Variants in CFHR5 observed in about 807,000 individuals in gnomAD.
The protein encoded by CFHR5 is complement factor H related 5.
CFHR5 carries 73 observed loss-of-function variants against 62.9 expected under a neutral mutation model. The ratio of observed to expected loss-of-function variants is 1.16; its 90% confidence interval spans 0.96 to 1.41. The LOEUF is 1.41. CFHR5 is among the 40% of genes most tolerant of loss of function. The pLI, the probability that CFHR5 is intolerant of heterozygous loss-of-function variation, is 0.00. For synonymous variants in CFHR5, 249 were observed against 227.2 expected (o/e 1.10, Z -0.86); for missense variants, 779 against 679.9 (o/e 1.15, Z -1.62).
chr1:196,984,145 A>G lies in CFHR5; in HGVS notation c.430+8A>G, dbSNP rs1293885889. The G allele has an allele frequency of 1.9e-6, 3 of 1,609,226 alleles. No individual in the cohort carries two copies. The highest frequency in any genetic ancestry group is 2.6e-6 in the Non-Finnish European group (3 of 1,175,900). ...CCATATGCAGCTTCACTAGTAAGCAAAATACCACTCTCTCAGTTTTGCTAA... is the reference window on the plus strand; with the variant it reads ...CCATATGCAGCTTCACTAGTAAGCAGAATACCACTCTCTCAGTTTTGCTAA... On this transcript the variant is annotated splice_region_variant and intron_variant, in intron 3 of 9. Coordinates refer to ENST00000256785, the MANE Select transcript of CFHR5 (RefSeq NM_030787.4).
At chr1:196,980,628 G>GTC (rs1491195134) in intron 1 of CFHR5, among the ~76,000 whole-genome samples, 18 of 142,570 alleles carry the variant, frequency 1.3e-4, no homozygotes, top group African/African-American at 2.9e-4. Flanking sequence ...GTGTGTGTGT[G>GTC]TATCCCAGAA....
In CFHR5 at chr1:197,004,689, A is replaced by G. The variant is rs748535741; in HGVS notation, c.1359A>G (p.Pro453=). The change falls in exon 9 of 10, where the codon CCA becomes CCG. Residue 453 remains proline, a synonymous_variant. Transcript: ENST00000256785. ...CTACTGCATATTGTGGGCCCCCTCC[A>G]TCTATTAACAATGGAGATACCACCT... The part of the protein sequence containing the change: ...VESTAYCGPP[P]SINNGDTTSF... 30 of 1,613,614 alleles carry G rather than the reference A, an allele frequency of 1.9e-5. No individual in the cohort carries two copies. The highest frequency in any genetic ancestry group is 1.7e-5 in the Non-Finnish European group (20 of 1,179,674).
chr1:196,982,501 G>GTC (rs1193009016), intron 1 of CFHR5, among the ~76,000 whole-genome samples: 51 of 152,208 alleles, frequency 3.4e-4, no homozygotes, highest in East Asian at 9.7e-4. Context: ...GTGAAACCTT[G>GTC]TCTCTACCAA....
At chr1:196,984,213 G>A (rs1249687065) in intron 3 of CFHR5, 76 bp downstream of exon 3, 2 of 1,243,820 alleles carry the variant, frequency 1.6e-6, no homozygotes, top group Non-Finnish European at 2.3e-6. Context: ...TTAAATATAG[G>A]TTAAATATAG....
chr1:197,004,922 C>A, intron 9 of CFHR5, 79 bp downstream of exon 9: 1 of 1,080,942 alleles, frequency 9.3e-7, no homozygotes, highest in African/African-American at 1.6e-5. Context: ...CATAGAATAA[C>A]CCTTACTTAA....
intron 9 of CFHR5, 119 bp from the exon 10 acceptor site, chr1:197,008,368 A>C (rs776229127): frequency 2.2e-6 from 1 of 460,652 alleles, no homozygotes; most frequent in Non-Finnish European, 3.4e-6. Context: ...TTTTTAAATA[A>C]ATATTAATAT....
At chr1:197,003,856 A>G (rs1007268408) in intron 8 of CFHR5, among the ~76,000 whole-genome samples, 1 of 152,162 alleles carries the variant, frequency 6.6e-6, no homozygotes, top group Non-Finnish European at 1.5e-5. Context: ...TTGGTGAATG[A>G]TTAAGTGGAA....
chr1:196,995,023 AC>A (rs1653952381), intron 4 of CFHR5, among the ~76,000 whole-genome samples: 1 of 152,200 alleles, frequency 6.6e-6, no homozygotes, highest in Non-Finnish European at 1.5e-5. Context: ...TGTGGGAGCT[AC>A]AATTCAAGAT....
chr1:196,976,903 T>C (rs1318798422), upstream of CFHR5, among the ~76,000 whole-genome samples: 8 of 150,786 alleles, frequency 5.3e-5, no homozygotes, highest in East Asian at 1.6e-3. Flanking sequence ...CTCCCGGTTT[T>C]ACGCCATTCT....
chr1:196,994,256 G>T lies in CFHR5; in HGVS notation c.607G>T (p.Gly203Ter), dbSNP rs781352172. 1.2e-6 allele frequency: 2 copies of T among 1,609,116 alleles called. No individual in the cohort carries two copies. The highest frequency in any genetic ancestry group is 3.3e-5 in the Admixed American group (2 of 59,986). Residue 203 changes from glycine (G) to a stop codon, truncating the protein, a stop_gained and splice_region_variant, in exon 4 of 10, where the codon GGA becomes TGA. Coordinates refer to ENST00000256785, the MANE Select transcript of CFHR5 (RefSeq NM_030787.4). LOFTEE classifies it high-confidence loss of function. Reference sequence around the variant, plus strand: ...GTCACCTAACTTTCCAACATGCAAAGGTCAGTATTTATTTTAGAAGTGATG... The same window carrying T: ...GTCACCTAACTTTCCAACATGCAAATGTCAGTATTTATTTTAGAAGTGATG... ...GWSPNFPTCK[G>*]QVRSCGPPPQ...
At position 196,991,047 on chromosome 1, in the gene CFHR5, G is replaced by A. The variant is rs564391845; in HGVS notation, c.431-3033G>A. Among the ~76,000 whole-genome samples, 3 of 151,960 alleles carry A rather than the reference G, an allele frequency of 2.0e-5. No homozygotes were observed. In the East Asian group the frequency reaches 5.8e-4, roughly 29 times the overall value. On this transcript the variant is annotated intron_variant, in intron 3 of 9. Coordinates refer to ENST00000256785, the MANE Select transcript of CFHR5 (RefSeq NM_030787.4). ...TTTTCACATAGTCCCATATTTCTCG[G>A]AGGCTTTGTTCATTTCTTTTTACTC...
intron 6 of CFHR5, among the ~76,000 whole-genome samples, chr1:196,997,243 A>T (rs1654016335): frequency 6.6e-6 from 1 of 152,056 alleles, no homozygotes; most frequent in South Asian, 2.1e-4. Context: ...ATCCGTGATG[A>T]CCTATTGTGA....
chr1:196,983,209 TC>T, intron 2 of CFHR5, 130 bp downstream of exon 2: 1 of 1,199,868 alleles, frequency 8.3e-7, no homozygotes, highest in Non-Finnish European at 1.2e-6. Context: ...GGAGATGTAG[TC>T]CTCCTATTTT....
chr1:197,008,456 ATTTAT>A, intron 9 of CFHR5, 26 bp from the exon 10 acceptor site: 1 of 1,316,768 alleles, frequency 7.6e-7, no homozygotes, highest in Non-Finnish European at 1.0e-6. Flanking sequence ...ATTATTATTT[ATTTAT>A]TTTATTTTAC....
intron 3 of CFHR5, 136 bp downstream of exon 3, chr1:196,984,273 T>C (rs1571513343): frequency 1.3e-6 from 1 of 770,154 alleles, no homozygotes; most frequent in East Asian, 2.7e-5. Context: ...GTTCCAATTG[T>C]GTCTAAGTAG....
intron 1 of CFHR5, among the ~76,000 whole-genome samples, chr1:196,979,807 T>A (rs1004665520): frequency 6.6e-6 from 1 of 152,104 alleles, no homozygotes; most frequent in Non-Finnish European, 1.5e-5. Flanking sequence ...TGCTAATTAC[T>A]GAGCTTCTGG....
chr1:196,998,067 A>G lies in CFHR5; in HGVS notation c.971-61A>G, dbSNP rs968995910. On this transcript the variant is annotated intron_variant, in intron 6 of 9. Transcript: ENST00000256785. Reference sequence around the variant, plus strand: ...AAGCATCAAACATAATTATGCTATTAATATTGCAGATATTTTATTGACATA... The same window carrying G: ...AAGCATCAAACATAATTATGCTATTGATATTGCAGATATTTTATTGACATA... 3.9e-6 allele frequency: 4 copies of G among 1,030,522 alleles called. No homozygotes were observed. The African/African-American group carries it at 6.4e-5, about 17-fold the overall frequency. The allele number at this position is 1,030,522 out of a possible 1,614,324, so 63.8% of individuals were successfully genotyped here. A position where few individuals can be genotyped will look rare whatever the true frequency, so the allele number is the denominator to read the frequency against.
Position 196,984,015 on chromosome 1 carries a change from T to C in CFHR5, c.308T>C (p.Ile103Thr), listed in dbSNP as rs962387786. ...GGTCATTCTGAATCTTCAGGACTAA[T>C]ACATCTGGAAGGTGATACTGTACAA... Reference protein sequence around the residue: ...KNGHSESSGLIHLEGDTVQII... With the variant: ...KNGHSESSGLTHLEGDTVQII... The change falls in exon 3 of 10, where the codon ATA (isoleucine) becomes ACA (threonine). Residue 103 changes from isoleucine (I) to threonine (T), a missense_variant. Physicochemically the swap from Ile to Thr is moderately conservative, Grantham distance 89. Transcript: ENST00000256785. The C allele has an allele frequency of 1.2e-6, 2 of 1,612,684 alleles. No homozygotes were observed. Among genetic ancestry groups the C allele is most frequent in the African/African-American group, 1.3e-5 (1 of 74,888 alleles).
At chr1:197,004,548 T>A in intron 8 of CFHR5, 113 bp from the exon 9 acceptor site, 2 of 851,660 alleles carry the variant, frequency 2.3e-6, no homozygotes. Flanking sequence ...AATACTGTAA[T>A]TAATTATTTG....
Sources: gnomAD v4.1 joint callset for allele counts (sites outside exome capture counted in the v4.1 genomes callset) on GRCh38, gnomAD v4.1.1 for gene constraint, MANE v1.5 for transcripts, NCBI Gene and HGNC (gene_info 2026-07-23, HGNC 2026-07-21) for gene names.